Variants in CEMIP observed in about 807,000 individuals in gnomAD.
The protein encoded by CEMIP is cell migration inducing hyaluronidase 1.
In CEMIP, 105 loss-of-function variants were observed where a neutral mutation model predicts 156.9. The observed-to-expected ratio is 0.67, with a 90% CI of 0.57 to 0.79. The LOEUF is 0.79. CEMIP is among the 30% of genes least tolerant of loss of function. The pLI, the probability that CEMIP is intolerant of heterozygous loss-of-function variation, is 0.00. For synonymous variants in CEMIP, 676 were observed against 668.4 expected, an observed-to-expected ratio of 1.01 and a Z score of -0.17; for missense variants, 1,457 against 1,769.4, an observed-to-expected ratio of 0.82 and a Z score of 3.17.
intron 1 of CEMIP, among the ~76,000 whole-genome samples, chr15:80,803,333 A>G (rs527423367): frequency 2.6e-5 from 4 of 152,198 alleles, no homozygotes; most frequent in Non-Finnish European, 5.9e-5. Flanking sequence ...ATGACTTCCC[A>G]TGGTCATCAG....
intron 1 of CEMIP, among the ~76,000 whole-genome samples, chr15:80,788,485 A>AT (rs1895999463): frequency 1.3e-5 from 2 of 151,302 alleles, no homozygotes; most frequent in Non-Finnish European, 2.9e-5. Context: ...AAAAAAAAAA[A>AT]AGAAAAAAGA....
chr15:80,857,255 G>T (rs1231923995), intron 1 of CEMIP, among the ~76,000 whole-genome samples: 1 of 152,216 alleles, frequency 6.6e-6, no homozygotes, highest in African/African-American at 2.4e-5. Flanking sequence ...CTGCTGCCAG[G>T]CCCTGCCTCA....
In CEMIP at chr15:80,949,056, G is replaced by A; in HGVS notation, c.*132G>A. On this transcript the variant is annotated 3_prime_UTR_variant, in exon 30 of 30. Transcript: ENST00000394685. ...GGGAAGGCCGTGTTTCAGCCCTGAT[G>A]GGCCAAGGGAAGGCTATCAGAGACC... 8.1e-7 allele frequency: 1 copy of A among 1,229,610 alleles called. No homozygotes were observed. Among genetic ancestry groups the A allele is most frequent in the Admixed American group, 1.7e-5 (1 of 58,684 alleles). 76.2% of individuals were successfully genotyped at this position (1,229,610 alleles called of 1,614,324 possible).
At chr15:80,828,091 A>C (rs958322747) in intron 1 of CEMIP, among the ~76,000 whole-genome samples, 3 of 152,210 alleles carry the variant, frequency 2.0e-5, no homozygotes, top group African/African-American at 7.2e-5. Flanking sequence ...ACTTCTTAAG[A>C]ATGCAGGCCG....
intron 1 of CEMIP, among the ~76,000 whole-genome samples, chr15:80,780,008 G>C (rs1275050186): frequency 6.6e-6 from 1 of 152,156 alleles, no homozygotes; most frequent in African/African-American, 2.4e-5. Context: ...AGTACCACAA[G>C]GGTCAGGTCT....
chr15:80,884,079 T>G, intron 6 of CEMIP, 96 bp from the exon 7 acceptor site: 1 of 1,185,694 alleles, frequency 8.4e-7, no homozygotes, highest in East Asian at 2.3e-5. Flanking sequence ...GATCATCGGA[T>G]AGCATGTTAG....
chr15:80,823,447 C>T (rs1027656349), intron 1 of CEMIP, among the ~76,000 whole-genome samples: 3 of 152,332 alleles, frequency 2.0e-5, no homozygotes, highest in South Asian at 2.1e-4. Context: ...ACTTGGGATC[C>T]TGTTGTCAAC....
chr15:80,808,364 C>G (rs948870410), intron 1 of CEMIP, among the ~76,000 whole-genome samples: 5 of 152,154 alleles, frequency 3.3e-5, no homozygotes, highest in Non-Finnish European at 5.9e-5. Flanking sequence ...CCCCACTGCC[C>G]CCACTTAGGC....
intron 1 of CEMIP, among the ~76,000 whole-genome samples, chr15:80,839,815 A>G (rs1190260190): frequency 2.0e-5 from 3 of 152,268 alleles, no homozygotes; most frequent in South Asian, 4.1e-4. Flanking sequence ...TATTTGTCCA[A>G]TATTCCTTCA....
intron 1 of CEMIP, among the ~76,000 whole-genome samples, chr15:80,832,496 G>A (rs1259152021): frequency 2.6e-5 from 4 of 152,080 alleles, no homozygotes; most frequent in South Asian, 2.1e-4. Flanking sequence ...TCATTTTGAT[G>A]TTTCAAATGA....
chr15:80,922,671 A>T (rs1900520131), intron 17 of CEMIP, among the ~76,000 whole-genome samples: 1 of 152,208 alleles, frequency 6.6e-6, no homozygotes, highest in African/African-American at 2.4e-5. Flanking sequence ...CAAAGTCCTC[A>T]GTCATCTTCA....
chr15:80,791,642 C>T (rs926155499), intron 1 of CEMIP, among the ~76,000 whole-genome samples: 1 of 152,128 alleles, frequency 6.6e-6, no homozygotes, highest in Non-Finnish European at 1.5e-5. Flanking sequence ...CCCTTTGGAC[C>T]GATGCATCCC....
At chr15:80,915,854 A>T (rs1900256396) in intron 14 of CEMIP, among the ~76,000 whole-genome samples, 1 of 152,220 alleles carries the variant, frequency 6.6e-6, no homozygotes, top group Non-Finnish European at 1.5e-5. Flanking sequence ...GACACTCTGT[A>T]AAACAAATAA....
chr15:80,811,381 T>C (rs554583318), intron 1 of CEMIP, among the ~76,000 whole-genome samples: 4 of 152,278 alleles, frequency 2.6e-5, no homozygotes, highest in African/African-American at 9.6e-5. Flanking sequence ...TGATGTACTG[T>C]AGAAATTACA....
At chr15:80,822,651 A>C (rs532658464) in intron 1 of CEMIP, among the ~76,000 whole-genome samples, 1 of 152,340 alleles carries the variant, frequency 6.6e-6, no homozygotes, top group Admixed American at 6.5e-5. Context: ...CATTGAAAAC[A>C]GTGGCTTGCC....
intron 14 of CEMIP, among the ~76,000 whole-genome samples, chr15:80,912,131 G>A (rs1283546351): frequency 6.7e-6 from 1 of 148,168 alleles, no homozygotes; most frequent in East Asian, 2.0e-4. Context: ...GGGAAAGACT[G>A]GGAAAGATGG....
At chr15:80,904,128 G>A (rs1416074903) in intron 12 of CEMIP, among the ~76,000 whole-genome samples, 1 of 152,242 alleles carries the variant, frequency 6.6e-6, no homozygotes, top group African/African-American at 2.4e-5. Context: ...CCCTTTGGCA[G>A]GGCACAGAGC....
chr15:80,791,662 T>C (rs1896084642), intron 1 of CEMIP, among the ~76,000 whole-genome samples: 1 of 152,210 alleles, frequency 6.6e-6, no homozygotes. Flanking sequence ...CTGTTTGCTG[T>C]ATGCAGTCTC....
chr15:80,833,681 T>C (rs1483174709), intron 1 of CEMIP, among the ~76,000 whole-genome samples: 3 of 150,308 alleles, frequency 2.0e-5, no homozygotes, highest in Non-Finnish European at 4.4e-5. Flanking sequence ...TTCTTTTTTT[T>C]TTTTTTGGAC....
Sources: gnomAD v4.1 joint callset for allele counts (sites outside exome capture counted in the v4.1 genomes callset) on GRCh38, gnomAD v4.1.1 for gene constraint, MANE v1.5 for transcripts, NCBI Gene and HGNC (gene_info 2026-07-23, HGNC 2026-07-21) for gene names.